INPP5A: variants seen among roughly 807,000 people sequenced by gnomAD.
The protein encoded by INPP5A is inositol polyphosphate-5-phosphatase A.
Under a neutral mutation model 65.2 loss-of-function variants are expected in INPP5A, and 14 were observed. The observed-to-expected ratio is 0.21, with a 90% CI of 0.14 to 0.34. INPP5A has a LOEUF of 0.34. Among genes scored for constraint, INPP5A ranks in the 10% least tolerant of loss-of-function variants. INPP5A has a pLI of 1.00. For synonymous variants in INPP5A, 207 were observed against 208.3 expected (o/e 0.99, Z 0.05); for missense variants, 431 against 545.6 (o/e 0.79, Z 2.09).
At chr10:132,539,883 G>T (rs1309911170) in intron 1 of INPP5A, among the ~76,000 whole-genome samples, 5 of 152,200 alleles carry the variant, frequency 3.3e-5, no homozygotes, top group Non-Finnish European at 7.3e-5. Flanking sequence ...AAAAGGCGCT[G>T]TTTTTCTGTT....
At chr10:132,579,252 C>T (rs1404976814) in intron 1 of INPP5A, among the ~76,000 whole-genome samples, 4 of 150,780 alleles carry the variant, frequency 2.7e-5, no homozygotes, top group South Asian at 2.1e-4. Flanking sequence ...GAGGGGACCG[C>T]GGGGCGGGGT....
intron 2 of INPP5A, among the ~76,000 whole-genome samples, chr10:132,620,856 A>AC (rs2072099279): frequency 6.6e-6 from 1 of 152,202 alleles, no homozygotes; most frequent in East Asian, 1.9e-4. Flanking sequence ...TACTTTTTGA[A>AC]TTATTCTTTG....
rs2071801238 is a variant in INPP5A, at chr10:132,603,370, A to G, written c.76-4545A>G. Among the ~76,000 whole-genome samples the G allele has an allele frequency of 2.0e-5, 3 of 152,124 alleles. No individual in the cohort carries two copies. The highest frequency in any genetic ancestry group is 2.0e-4 in the Admixed American group (3 of 15,278). ...TATGCACTATAGAAAATTACAGATC[A>G]CTCCAGCTCCCACTACCCAGAAAGA... On this transcript the variant is annotated intron_variant, in intron 1 of 15. Coordinates refer to ENST00000368594, the MANE Select transcript of INPP5A (RefSeq NM_005539.5). This position sits in a 1 kb window ranked among gnomAD's most constrained non-coding sequence, Gnocchi z 4.2.
intron 1 of INPP5A, among the ~76,000 whole-genome samples, chr10:132,564,966 A>C (rs1277336464): frequency 6.6e-6 from 1 of 152,208 alleles, no homozygotes; most frequent in Non-Finnish European, 1.5e-5. Context: ...CCCGCTCCCC[A>C]CAGCAGCAGT....
At chr10:132,556,326 TC>T (rs2071124822) in intron 1 of INPP5A, among the ~76,000 whole-genome samples, 1 of 152,064 alleles carries the variant, frequency 6.6e-6, no homozygotes, top group African/African-American at 2.4e-5. Context: ...TGAGGCTGTT[TC>T]CTGTTCGGCT....
At chr10:132,766,777 GT>G (rs1197382315) in intron 12 of INPP5A, among the ~76,000 whole-genome samples, 1 of 152,278 alleles carries the variant, frequency 6.6e-6, no homozygotes, top group East Asian at 1.9e-4. Context: ...AGTTCTCACT[GT>G]TGGAAGCCGC....
chr10:132,627,266 A>C lies in INPP5A; in HGVS notation c.118-18602A>C, dbSNP rs1362197197. 1.3e-5 allele frequency among the ~76,000 whole-genome samples: 2 copies of C among 151,764 alleles called. No homozygotes were observed. The highest frequency in any genetic ancestry group is 2.9e-5 in the Non-Finnish European group (2 of 68,018). The stretch of plus-strand genomic sequence containing the variant: ...GCATTTTGTGATGGAGCCTCTGCCG[A>C]CCGAGGGAGGGGCTGAGGGTGGACA... On this transcript the variant is annotated intron_variant, in intron 2 of 15. Coordinates refer to ENST00000368594, the MANE Select transcript of INPP5A (RefSeq NM_005539.5). The surrounding 1 kb of genome is among the most constrained non-coding windows in gnomAD (Gnocchi z 6.6).
intron 9 of INPP5A, among the ~76,000 whole-genome samples, chr10:132,745,587 C>T (rs545479205): frequency 3.2e-4 from 49 of 152,318 alleles, no homozygotes; most frequent in African/African-American, 1.2e-3. Context: ...GCCCGGGCCT[C>T]GGGTGTGGTG....
chr10:132,673,256 C>G (rs551816421), intron 4 of INPP5A, among the ~76,000 whole-genome samples: 1 of 152,276 alleles, frequency 6.6e-6, no homozygotes, highest in East Asian at 1.9e-4. Context: ...ATTCTTCCCT[C>G]TGGAACTAAT....
At chr10:132,636,163 A>ATGTGTGTGTGTGTG (rs59663030) in intron 2 of INPP5A, among the ~76,000 whole-genome samples, 184 of 149,726 alleles carry the variant, frequency 1.2e-3, no homozygotes, top group African/African-American at 2.2e-3. Context: ...GATAAACAAA[A>ATGTGTGTGTGTGTG]TGTGTGTGTG....
intron 7 of INPP5A, 84 bp from the exon 8 acceptor site, chr10:132,710,253 C>A: frequency 6.6e-7 from 1 of 1,519,324 alleles, no homozygotes. Context: ...CAGGTCTTAT[C>A]TTCCCGGGGA....
chr10:132,718,134 C>T lies in INPP5A; in HGVS notation c.647+7678C>T, dbSNP rs185235539. ...CTGTGGTACCTGGGAGCTGTCTGGG[C>T]GCCTTAGACAGCTGTCTTCAGGGTT... On this transcript the variant is annotated intron_variant, in intron 8 of 15. Transcript: ENST00000368594. Among the ~76,000 whole-genome samples the T allele has an allele frequency of 3.1e-3, 457 of 146,394 alleles. 7 individuals carry two copies. The highest frequency in any genetic ancestry group is 0.011 in the African/African-American group (423 of 39,288).
At chr10:132,562,234 A>G (rs2071215279) in intron 1 of INPP5A, among the ~76,000 whole-genome samples, 1 of 152,204 alleles carries the variant, frequency 6.6e-6, no homozygotes, top group South Asian at 2.1e-4. Flanking sequence ...TGCACATCAC[A>G]GGTGTCCAGG....
At chr10:132,590,529 A>G (rs1179322348) in intron 1 of INPP5A, among the ~76,000 whole-genome samples, 1 of 152,030 alleles carries the variant, frequency 6.6e-6, no homozygotes, top group Non-Finnish European at 1.5e-5. Flanking sequence ...ACGTGTAAAG[A>G]TGTCAGTGGG....
rs934289009 is a variant in INPP5A at position 132,551,931 on chromosome 10, C to T, written c.75+13760C>T. The stretch of plus-strand genomic sequence containing the variant: ...TGCGGCCCAACCTGGCAGTACCCCC[C>T]ACACAGGGGTCCAGGTGTCCTCTGA... On this transcript the variant is annotated intron_variant, in intron 1 of 15. Coordinates refer to ENST00000368594, the MANE Select transcript of INPP5A (RefSeq NM_005539.5). This position sits in a 1 kb window ranked among gnomAD's most constrained non-coding sequence, Gnocchi z 5.3. 4.6e-5 allele frequency among the ~76,000 whole-genome samples: 7 copies of T among 152,356 alleles called. No homozygotes were observed. Among genetic ancestry groups the T allele is most frequent in the Admixed American group, 3.3e-4 (5 of 15,308 alleles).
rs1381124466 is a variant in INPP5A, at chr10:132,781,903, C to T, written c.1201C>T (p.Pro401Ser). 6.2e-7 allele frequency: 1 copy of T among 1,613,878 alleles called. No individual in the cohort carries two copies. The highest frequency in any genetic ancestry group is 8.5e-7 in the Non-Finnish European group (1 of 1,180,006). ...AFRIMPGAGK[P>S]HAHVHKCCVV... The stretch of plus-strand genomic sequence containing the variant: ...CCGAATCATGCCCGGGGCAGGTAAA[C>T]CTCATGCCCATGTGCACAAGTGTTG... Residue 401 changes from proline to serine, a missense_variant, in exon 15 of 16, where the codon CCT (proline) becomes TCT (serine). Pro to Ser is a moderately conservative substitution (Grantham distance 74). Coordinates refer to ENST00000368594, the MANE Select transcript of INPP5A (RefSeq NM_005539.5).
chr10:132,781,784 G>T (rs1000371021), intron 14 of INPP5A, 77 bp from the exon 15 acceptor site: 1 of 1,197,632 alleles, frequency 8.3e-7, no homozygotes, highest in Non-Finnish European at 1.2e-6. Flanking sequence ...GGGTCTGGGG[G>T]TGCAACGGGA....
At chr10:132,582,209 G>A (rs1703700325) in intron 1 of INPP5A, among the ~76,000 whole-genome samples, 1 of 152,078 alleles carries the variant, frequency 6.6e-6, no homozygotes, top group Admixed American at 6.6e-5. Flanking sequence ...CTCGCTTTCT[G>A]AGGCAGAATA....
rs557096403 is a variant in INPP5A at position 132,654,414 on chromosome 10, C to T, written c.306+3909C>T. Among the ~76,000 whole-genome samples the T allele has an allele frequency of 8.4e-4, 128 of 152,376 alleles. No individual in the cohort carries two copies. The Middle Eastern group carries it at 0.027, about 32-fold the overall frequency. ...AGCTGGTGCCAGGCGGGCCTGTCCT[C>T]CCTGTCTTGTCACTGAGACTGGGCT... On this transcript the variant is annotated intron_variant, in intron 4 of 15. Coordinates refer to ENST00000368594, the MANE Select transcript of INPP5A (RefSeq NM_005539.5).
Sources: allele counts gnomAD v4.1 joint callset (sites outside exome capture counted in the v4.1 genomes callset), GRCh38; gene constraint gnomAD v4.1.1; non-coding constraint Gnocchi (gnomAD v3.1); transcripts MANE v1.5; gene names NCBI Gene and HGNC (gene_info 2026-07-23, HGNC 2026-07-21).